Variants in RANBP3 observed in about 807,000 individuals in gnomAD.
RANBP3 encodes ran-binding protein 3.
In RANBP3, 14 loss-of-function variants were observed where a neutral mutation model predicts 77.3. The ratio of observed to expected loss-of-function variants is 0.18; its 90% CI spans 0.12 to 0.28. RANBP3 has a LOEUF of 0.28. Ranked by LOEUF, RANBP3 falls within the 10% of genes least tolerant of loss-of-function variation. RANBP3 has a pLI of 1.00. For synonymous variants in RANBP3, 315 were observed against 312.4 expected, an observed-to-expected ratio of 1.01 and a Z score of -0.09; for missense variants, 586 against 752.3, an observed-to-expected ratio of 0.78 and a Z score of 2.59.
chr19:5,968,487 C>T (rs980576297), intron 1 of RANBP3, among the ~76,000 whole-genome samples: 7 of 152,248 alleles, frequency 4.6e-5, no homozygotes, highest in East Asian at 3.8e-4. Flanking sequence ...TGATTCCACA[C>T]TGGCACTGGT....
At chr19:5,927,107 C>T (rs547704482) in intron 9 of RANBP3, among the ~76,000 whole-genome samples, 12 of 152,238 alleles carry the variant, frequency 7.9e-5, no homozygotes, top group African/African-American at 1.2e-4. Context: ...TACCGCCTCT[C>T]GAGCTTTGAA....
chr19:5,968,420 A>G (rs28436149), intron 1 of RANBP3, among the ~76,000 whole-genome samples: 4,117 of 152,310 alleles, frequency 0.027, 180 homozygotes, highest in African/African-American at 0.093. Context: ...CAGCTTCGGC[A>G]AGGATGAAAT....
At chr19:5,940,377 G>C (rs1292836590) in intron 5 of RANBP3, among the ~76,000 whole-genome samples, 1 of 152,186 alleles carries the variant, frequency 6.6e-6, no homozygotes, top group African/African-American at 2.4e-5. Flanking sequence ...CCTATCCACA[G>C]GTGCAAAGAT....
chr19:5,971,319 G>A (rs1307162112), intron 1 of RANBP3, among the ~76,000 whole-genome samples: 1 of 152,108 alleles, frequency 6.6e-6, no homozygotes, highest in Non-Finnish European at 1.5e-5. Context: ...CTTAATAGAA[G>A]ATAGCTGAAT....
At chr19:5,946,136 C>T (rs2058201440) in intron 3 of RANBP3, among the ~76,000 whole-genome samples, 1 of 152,228 alleles carries the variant, frequency 6.6e-6, no homozygotes, top group Non-Finnish European at 1.5e-5. Context: ...GTGAGCACCA[C>T]CTCTAGGGTA....
rs899117925 is a variant in RANBP3 at position 5,969,350 on chromosome 19, C to T, written c.22+8711G>A. Among the ~76,000 whole-genome samples, 9 of 152,332 alleles carry T rather than the reference C, an allele frequency of 5.9e-5. No homozygotes were observed. The East Asian group carries it at 7.7e-4, about 13-fold the overall frequency. On this transcript the variant is annotated intron_variant, in intron 1 of 16. Transcript: ENST00000340578. ...AGTTCTCAAGGACCGTTTCCACTCA[C>T]GCTCTGCTCTCACAGATGCAACGCA...
At chr19:5,971,962 A>T (rs1404727294) in intron 1 of RANBP3, among the ~76,000 whole-genome samples, 1 of 152,272 alleles carries the variant, frequency 6.6e-6, no homozygotes, top group Admixed American at 6.5e-5. Flanking sequence ...ACTGCTGTGC[A>T]AGAATGCAGG....
At chr19:5,944,466 C>T (rs1322539403) in intron 3 of RANBP3, among the ~76,000 whole-genome samples, 1 of 152,228 alleles carries the variant, frequency 6.6e-6, no homozygotes, top group Non-Finnish European at 1.5e-5. Flanking sequence ...AGCATCTGCC[C>T]ACCCGGGCAG....
chr19:5,934,694 C>T (rs553226551), intron 5 of RANBP3, among the ~76,000 whole-genome samples: 4 of 152,192 alleles, frequency 2.6e-5, no homozygotes, highest in Non-Finnish European at 5.9e-5. Flanking sequence ...CTTAGCCAGG[C>T]ATGGTGGTAC....
At chr19:5,939,480 C>G (rs927969482) in intron 5 of RANBP3, among the ~76,000 whole-genome samples, 2 of 152,344 alleles carry the variant, frequency 1.3e-5, no homozygotes, top group East Asian at 3.9e-4. Flanking sequence ...ACCCCCAGGC[C>G]GGGCGGGAAG....
chr19:5,923,502 G>A (rs1308284703), intron 12 of RANBP3, among the ~76,000 whole-genome samples, 199 bp from the exon 13 acceptor site: 1 of 152,132 alleles, frequency 6.6e-6, no homozygotes, highest in Admixed American at 6.5e-5. Context: ...AGACCATCTG[G>A]GGGCCAAGTG....
intron 1 of RANBP3, among the ~76,000 whole-genome samples, chr19:5,975,937 G>A (rs1376328281): frequency 1.3e-5 from 2 of 152,126 alleles, no homozygotes; most frequent in African/African-American, 2.4e-5. Context: ...AGAGAGTGGC[G>A]AGAGAGAAGG....
At chr19:5,927,760 C>T (rs549094249) in intron 9 of RANBP3, among the ~76,000 whole-genome samples, 10 of 152,274 alleles carry the variant, frequency 6.6e-5, no homozygotes, top group Admixed American at 2.0e-4. Flanking sequence ...GTGAGGGCTC[C>T]GAAGCCTGGG....
chr19:5,977,823 C>G (rs2058614747), intron 1 of RANBP3, among the ~76,000 whole-genome samples: 1 of 152,218 alleles, frequency 6.6e-6, no homozygotes, highest in South Asian at 2.1e-4. Context: ...CCGATGGCCA[C>G]CCGGCTCCTC....
At chr19:5,977,694 G>C (rs989934170) in intron 1 of RANBP3, among the ~76,000 whole-genome samples, 12 of 152,220 alleles carry the variant, frequency 7.9e-5, no homozygotes, top group Middle Eastern at 3.2e-3. Context: ...GGCGCGCTCC[G>C]GGCCACAACC....
At chr19:5,965,500 C>T (rs2058456745) in intron 1 of RANBP3, among the ~76,000 whole-genome samples, 1 of 152,090 alleles carries the variant, frequency 6.6e-6, no homozygotes, top group Non-Finnish European at 1.5e-5. Context: ...AAAATGAATT[C>T]TGTGTCTATT....
chr19:5,972,266 C>G (rs1314173768), intron 1 of RANBP3, among the ~76,000 whole-genome samples: 1 of 152,202 alleles, frequency 6.6e-6, no homozygotes, highest in Admixed American at 6.5e-5. Flanking sequence ...CTGACAACCT[C>G]CTTAAACAAG....
At chr19:5,928,632 C>G (rs930716150) in intron 8 of RANBP3, among the ~76,000 whole-genome samples, 4 of 151,878 alleles carry the variant, frequency 2.6e-5, no homozygotes, top group Admixed American at 2.6e-4. Flanking sequence ...TTGAGGAATG[C>G]CCAGGAAAAT....
In RANBP3 at chr19:5,924,769, C is replaced by T; in HGVS notation, c.996+58G>A. 6.5e-7 allele frequency: 1 copy of T among 1,528,284 alleles called. No homozygotes were observed. Among genetic ancestry groups the T allele is most frequent in the Non-Finnish European group, 9.1e-7 (1 of 1,102,472 alleles). The allele number at this position is 1,528,284 out of a possible 1,614,324, so 94.7% of individuals were successfully genotyped here. A position where few individuals can be genotyped will look rare whatever the true frequency, so the allele number is the denominator to read the frequency against. ...GCCCTGCTCTCCATGTCCCCTTGAC[C>T]TGTGGCTGGCGCCGAGAGCCTCTGG... On this transcript the variant is annotated intron_variant, in intron 11 of 16. Transcript: ENST00000340578. This position sits in a 1 kb window ranked among gnomAD's most constrained non-coding sequence, Gnocchi z 4.7.
Sources: gnomAD v4.1 joint callset for allele counts (sites outside exome capture counted in the v4.1 genomes callset) on GRCh38, gnomAD v4.1.1 for gene constraint, Gnocchi (gnomAD v3.1) non-coding constraint, MANE v1.5 for transcripts, NCBI Gene and HGNC (gene_info 2026-07-23, HGNC 2026-07-21) for gene names.